The following RBFOX1 variants were observed in gnomAD, a reference collection of about 807,000 sequenced individuals.
RBFOX1 encodes the protein RNA binding fox-1 homolog 1.
In RBFOX1, 8 loss-of-function variants were observed where a neutral mutation model predicts 57.7. The observed-to-expected ratio is 0.14, with a 90% CI of 0.08 to 0.25. The LOEUF (loss-of-function observed/expected upper bound fraction) is 0.25, where lower values mean the gene tolerates loss of function less well. Among genes scored for constraint, RBFOX1 ranks in the 10% least tolerant of loss-of-function variants. The probability of loss-of-function intolerance (pLI) is 1.00; values close to 1 mark genes in which losing one functional copy is unlikely to be tolerated. For missense variants in RBFOX1, 611 were observed against 548.5 expected (o/e 1.11, Z -1.14); for synonymous variants, 326 against 222.4 (o/e 1.47, Z -4.15).
chr16:6,118,292 A>G (rs772852777), intron 1 of RBFOX1, among the ~76,000 whole-genome samples: 1 of 152,128 alleles, frequency 6.6e-6, no homozygotes, highest in Non-Finnish European at 1.5e-5. Flanking sequence ...CTTATGTCTC[A>G]GTCCACTCAG....
intron 1 of RBFOX1, among the ~76,000 whole-genome samples, chr16:5,437,879 T>A (rs1047423382): frequency 1.2e-4 from 19 of 152,212 alleles, no homozygotes; most frequent in Admixed American, 7.2e-4. Context: ...AAGCTCTGAA[T>A]AAGACATATC....
chr16:6,361,991 A>G (rs1211678319), intron 2 of RBFOX1, among the ~76,000 whole-genome samples: 1 of 152,178 alleles, frequency 6.6e-6, no homozygotes, highest in Non-Finnish European at 1.5e-5. Context: ...ACAGCTGAGA[A>G]GAAAACAAGC....
chr16:7,145,189 T>A (rs1443739655), intron 4 of RBFOX1, among the ~76,000 whole-genome samples: 1 of 68,868 alleles, frequency 1.5e-5, no homozygotes, highest in Non-Finnish European at 3.3e-5. Context: ...TACCCTTTTT[T>A]GTTTCGTTTT....
intron 1 of RBFOX1, among the ~76,000 whole-genome samples, chr16:6,138,615 C>T (rs114604502): frequency 0.021 from 3,230 of 152,268 alleles, 120 homozygotes; most frequent in African/African-American, 0.073. Flanking sequence ...CACCTGTATT[C>T]CCAGCACTTT....
Position 7,022,191 on chromosome 16 carries a change from G to A in RBFOX1, c.-15-29866G>A, listed in dbSNP as rs189167086. Reference sequence around the variant, plus strand: ...TGATCCTCCCACCTCAGCCTCCTGAGTAGCTGGGACTACAGACACACCCCT... The same window carrying A: ...TGATCCTCCCACCTCAGCCTCCTGAATAGCTGGGACTACAGACACACCCCT... On this transcript the variant is annotated intron_variant, in intron 3 of 15. Transcript: ENST00000550418. 9.3e-4 allele frequency among the ~76,000 whole-genome samples: 139 copies of A among 150,140 alleles called. 1 individual carries two copies. The East Asian group carries it at 0.027, about 29-fold the overall frequency.
At chr16:6,861,269 C>G (rs1320280004) in intron 3 of RBFOX1, among the ~76,000 whole-genome samples, 1 of 152,146 alleles carries the variant, frequency 6.6e-6, no homozygotes, top group Non-Finnish European at 1.5e-5. Flanking sequence ...TAACCATAGT[C>G]TTTGCAAAAG....
intron 4 of RBFOX1, among the ~76,000 whole-genome samples, chr16:6,009,171 C>A (rs566728096): frequency 2.6e-5 from 4 of 151,252 alleles, no homozygotes; most frequent in African/African-American, 4.9e-5. Context: ...TCACAACATT[C>A]TTCAACAGTG....
intron 4 of RBFOX1, chr16:7,510,279 T>C (rs879943743): frequency 1.0e-6 from 1 of 985,920 alleles, no homozygotes; most frequent in South Asian, 4.7e-5. Flanking sequence ...CTGCTAAGTT[T>C]ATGGAGGAGA....
At chr16:5,426,036 G>T (rs536256808) in intron 1 of RBFOX1, among the ~76,000 whole-genome samples, 36 of 152,294 alleles carry the variant, frequency 2.4e-4, no homozygotes, top group Non-Finnish European at 3.7e-4. Context: ...CATGGAAACG[G>T]AACCCAAAAC....
chr16:7,645,972 A>T (rs2063664618), intron 11 of RBFOX1, among the ~76,000 whole-genome samples: 1 of 151,296 alleles, frequency 6.6e-6, no homozygotes, highest in Non-Finnish European at 1.5e-5. Flanking sequence ...TTTTCTGCGA[A>T]ACTCTGAAAT....
At chr16:6,293,895 C>G (rs56072441) in intron 1 of RBFOX1, among the ~76,000 whole-genome samples, 11 of 1,606 alleles carry the variant, frequency 6.8e-3, no homozygotes, top group African/African-American at 0.017. Context: ...CCAGGGTGAG[C>G]GGGGGGGTGG....
At chr16:6,381,404 C>A (rs199614517) in intron 2 of RBFOX1, among the ~76,000 whole-genome samples, 2 of 152,088 alleles carry the variant, frequency 1.3e-5, no homozygotes, top group African/African-American at 4.8e-5. Context: ...TGTTTAGCTC[C>A]CAGTTATAAC....
At chr16:7,453,470 C>T (rs1215335646) in intron 4 of RBFOX1, among the ~76,000 whole-genome samples, 2 of 152,122 alleles carry the variant, frequency 1.3e-5, no homozygotes, top group Non-Finnish European at 1.5e-5. Flanking sequence ...AATAGGGATT[C>T]ATTAAAGGTT....
chr16:6,288,482 CATACATACT>C (rs2077120569), intron 1 of RBFOX1, among the ~76,000 whole-genome samples: 1 of 152,116 alleles, frequency 6.6e-6, no homozygotes, highest in South Asian at 2.1e-4. Flanking sequence ...GTCCATGCAT[CATACATACT>C]ATTGTACATA....
intron 4 of RBFOX1, among the ~76,000 whole-genome samples, chr16:7,059,054 A>G (rs759773479): frequency 6.6e-6 from 1 of 152,216 alleles, no homozygotes. Context: ...TCTGCTAGAT[A>G]TGAGAGTGAT....
chr16:5,523,213 G>T (rs1234267647), intron 2 of RBFOX1, among the ~76,000 whole-genome samples: 1 of 152,112 alleles, frequency 6.6e-6, no homozygotes, highest in African/African-American at 2.4e-5. Flanking sequence ...TTGAACCTGG[G>T]AGGCAGAGAT....
At chr16:6,024,449 G>T (rs2095146632) in intron 1 of RBFOX1, among the ~76,000 whole-genome samples, 1 of 152,144 alleles carries the variant, frequency 6.6e-6, no homozygotes, top group Admixed American at 6.5e-5. Context: ...TAGCTGATCT[G>T]TATGGATCCA....
At chr16:6,926,425 G>C (rs1403220678) in intron 3 of RBFOX1, among the ~76,000 whole-genome samples, 3 of 152,202 alleles carry the variant, frequency 2.0e-5, no homozygotes, top group Admixed American at 1.3e-4. Context: ...GCAGGCCTCA[G>C]AATTTCCCCT....
intron 2 of RBFOX1, among the ~76,000 whole-genome samples, chr16:6,522,252 C>A (rs1327950777): frequency 1.3e-5 from 2 of 151,652 alleles, no homozygotes; most frequent in Non-Finnish European, 2.9e-5. Flanking sequence ...CTCTGCCCTA[C>A]CCCCAGTGAA....
Sources: allele counts gnomAD v4.1 joint callset (sites outside exome capture counted in the v4.1 genomes callset), GRCh38; gene constraint gnomAD v4.1.1; transcripts MANE v1.5; gene names NCBI Gene and HGNC (gene_info 2026-07-23, HGNC 2026-07-21).